The following UBA3 variants were observed in gnomAD, a reference collection of about 807,000 sequenced individuals.
The protein encoded by UBA3 is NEDD8-activating enzyme E1 catalytic subunit.
In UBA3, 26 loss-of-function variants were observed where a neutral mutation model predicts 73.5. The observed-to-expected ratio is 0.35, with a 90% CI of 0.26 to 0.49. UBA3 has a LOEUF of 0.49. Among genes scored for constraint, UBA3 ranks in the 20% least tolerant of loss-of-function variants. UBA3 has a pLI of 0.98. For synonymous variants in UBA3, 217 were observed against 191.2 expected (o/e 1.13, Z -1.11); for missense variants, 495 against 555.6 (o/e 0.89, Z 1.10).
At chr3:69,067,761 C>T (rs182884335) in intron 6 of UBA3, among the ~76,000 whole-genome samples, 167 bp downstream of exon 6, 1,532 of 152,164 alleles carry the variant, frequency 0.01, 10 homozygotes, top group South Asian at 0.025. Flanking sequence ...ACAGAAAAGA[C>T]TGGAAGAATA....
chr3:69,074,076 A>G (rs1294447850), intron 4 of UBA3, among the ~76,000 whole-genome samples: 1 of 152,240 alleles, frequency 6.6e-6, no homozygotes, highest in Non-Finnish European at 1.5e-5. Context: ...TGCAATAAAG[A>G]AGAGGTCACT....
At chr3:69,077,951 A>G in intron 2 of UBA3, 33 bp from the exon 3 acceptor site, 1 of 1,608,896 alleles carries the variant, frequency 6.2e-7, no homozygotes, top group South Asian at 1.1e-5. Context: ...AGCTGCAAAG[A>G]TCAGTATGAA....
chr3:69,056,109 A>G (rs767098250), intron 15 of UBA3, 46 bp from the exon 16 acceptor site: 2 of 1,562,646 alleles, frequency 1.3e-6, no homozygotes, highest in South Asian at 2.4e-5. Context: ...ATTTTTATCA[A>G]AAGATAATTT....
chr3:69,077,871 C>A lies in UBA3; in HGVS notation c.110G>T (p.Arg37Leu), dbSNP rs759438986. 1 of 1,614,004 alleles carries A rather than the reference C, an allele frequency of 6.2e-7. No individual in the cohort carries two copies. The highest frequency in any genetic ancestry group is 8.5e-7 in the Non-Finnish European group (1 of 1,180,002). The change falls in exon 3 of 18, where the codon CGC becomes CTC. Residue 37 changes from arginine to leucine, a missense_variant. By Grantham distance (102) the Arg-to-Leu change is moderately radical. Coordinates refer to ENST00000361055, the MANE Select transcript of UBA3 (RefSeq NM_003968.4). Reference protein sequence around the residue: ...GCGDTGDWEGRWNHVKKFLER... With the variant: ...GCGDTGDWEGLWNHVKKFLER... ...GAGGAACTTCTTTACATGGTTCCAG[C>A]GACCTTCCCAGTCTCCAGTGTCCCC...
Position 69,056,789 on chromosome 3 carries a change from T to C in UBA3, c.991A>G (p.Ile331Val), listed in dbSNP as rs368164002. Residue 331 changes from isoleucine (I) to valine (V), a missense_variant, in exon 13 of 18, where the codon ATA becomes GTA. Ile to Val is a conservative substitution (Grantham distance 29). Transcript: ENST00000361055. ...AATGAAACCTATTACCTTGTGGCTA[T>C]TTTAAAAACCTCAGTGGCACACACA... Reference protein sequence around the residue: ...AAVCATEVFKIATSAYIPLNN... With the variant: ...AAVCATEVFKVATSAYIPLNN... The C allele has an allele frequency of 4.3e-6, 7 of 1,612,992 alleles. No homozygotes were observed. In the African/African-American group the frequency reaches 6.7e-5, roughly 15 times the overall value.
chr3:69,061,982 C>A (rs1575833361), intron 10 of UBA3, 55 bp from the exon 11 acceptor site: 3 of 1,437,076 alleles, frequency 2.1e-6, no homozygotes, highest in South Asian at 1.3e-5. Flanking sequence ...AATACGTAAT[C>A]ACAAAACAAT....
In UBA3 at chr3:69,060,290, C is replaced by CAAA. The variant is rs796240868; in HGVS notation, c.910+1521_910+1523dup. On this transcript the variant is annotated intron_variant, in intron 11 of 17. Transcript: ENST00000361055. ...ACCTATACTTGGATATTAAGAAAAA[C>CAAA]AAAAAAAAAAAGACACTCCCCAAAC... 1.6e-3 allele frequency among the ~76,000 whole-genome samples: 216 copies of CAAA among 138,450 alleles called. 1 individual carries two copies. Among genetic ancestry groups the CAAA allele is most frequent in the African/African-American group, 5.4e-3 (206 of 38,014 alleles). 90.8% of individuals were successfully genotyped at this position (138,450 alleles called of 152,430 possible).
intron 9 of UBA3, 108 bp from the exon 10 acceptor site, chr3:69,062,287 C>G (rs765216013): frequency 1.3e-6 from 1 of 760,494 alleles, no homozygotes; most frequent in South Asian, 1.7e-5. Context: ...TGTTTCAACT[C>G]AAAATATTGT....
At chr3:69,059,067 T>C (rs1406700373) in intron 11 of UBA3, among the ~76,000 whole-genome samples, 1 of 152,224 alleles carries the variant, frequency 6.6e-6, no homozygotes, top group African/African-American at 2.4e-5. Flanking sequence ...GTGTTGTGCA[T>C]AGTAACAATG....
At chr3:69,079,672 T>C (rs932597056) in intron 2 of UBA3, 3 of 179,912 alleles carry the variant, frequency 1.7e-5, no homozygotes, top group Non-Finnish European at 2.3e-5. Flanking sequence ...ATACCTGACA[T>C]GTAGAGTTAT....
chr3:69,061,890 T>C lies in UBA3; in HGVS notation c.834A>G (p.Ile278Met). ...VPLDGDDPEH[I>M]QWIFQKSLER... ...CTAGGGATTTTTGGAAAATCCATTG[T>C]ATATGTTCAGGATCATCTCCATCTA... The change falls in exon 11 of 18, where the codon ATA becomes ATG. Residue 278 changes from isoleucine (I) to methionine (M), a missense_variant. Coordinates refer to ENST00000361055, the MANE Select transcript of UBA3 (RefSeq NM_003968.4). The C allele has an allele frequency of 2.5e-6, 4 of 1,611,636 alleles. No individual in the cohort carries two copies. The highest frequency in any genetic ancestry group is 3.4e-6 in the Non-Finnish European group (4 of 1,179,132).
At chr3:69,056,531 T>C in intron 14 of UBA3, 81 bp downstream of exon 14, 1 of 1,235,972 alleles carries the variant, frequency 8.1e-7, no homozygotes, top group Non-Finnish European at 1.2e-6. Flanking sequence ...AATGTATGGG[T>C]GACTTTGTTC....
At position 69,063,507 on chromosome 3, in the gene UBA3, C is replaced by CA. The variant is rs748063451; in HGVS notation, c.473-5dup. On this transcript the variant is annotated splice_region_variant and splice_polypyrimidine_tract_variant and intron_variant, in intron 7 of 17. Coordinates refer to ENST00000361055, the MANE Select transcript of UBA3 (RefSeq NM_003968.4). The stretch of plus-strand genomic sequence containing the variant: ...CCACATACAATAATATGAAATTCTA[C>CA]AAAAAAAAAAAAAAGCAACTTTAGT... The CA allele has an allele frequency of 0.1, 106,464 of 1,063,460 alleles. 3 individuals are homozygous for CA. The highest frequency in any genetic ancestry group is 0.11 in the Non-Finnish European group (84,507 of 801,152). The allele number at this position is 1,063,460 out of a possible 1,614,324, so 65.9% of individuals were successfully genotyped here.
At chr3:69,057,957 G>A (rs998055121) in intron 11 of UBA3, among the ~76,000 whole-genome samples, 9 of 116,258 alleles carry the variant, frequency 7.7e-5, no homozygotes, top group African/African-American at 3.1e-4. Flanking sequence ...ACAGAGTCTC[G>A]CTCTGTCGCC....
At chr3:69,063,328 T>G (rs1575834879) in intron 8 of UBA3, 111 bp downstream of exon 8, 2 of 1,283,878 alleles carry the variant, frequency 1.6e-6, no homozygotes, top group East Asian at 5.1e-5. Flanking sequence ...GTAAATATAC[T>G]TAATTAAAAA....
chr3:69,061,719 G>A, intron 11 of UBA3, 95 bp downstream of exon 11: 1 of 686,510 alleles, frequency 1.5e-6, no homozygotes, highest in Non-Finnish European at 2.4e-6. Flanking sequence ...TCAAGTGGAT[G>A]GTACTGTCTA....
At chr3:69,077,660 A>C in intron 3 of UBA3, 138 bp downstream of exon 3, 1 of 913,562 alleles carries the variant, frequency 1.1e-6, no homozygotes, top group East Asian at 3.0e-5. Context: ...ATTCAATCTC[A>C]TATTTTAAGA....
Position 69,071,515 on chromosome 3 carries a change from G to T in UBA3, c.347+20C>A. On this transcript the variant is annotated intron_variant, in intron 5 of 17. Transcript: ENST00000361055. ...TATCAGAGCTTAAAAAAAGAAAACC[G>T]CTAAGATATTAAAACTTACCTAAAT... 2 of 1,342,690 alleles carry T rather than the reference G, an allele frequency of 1.5e-6. No homozygotes were observed. The highest frequency in any genetic ancestry group is 1.3e-5 in the South Asian group (1 of 75,100). 83.2% of individuals were successfully genotyped at this position (1,342,690 alleles called of 1,614,324 possible).
chr3:69,065,931 T>A (rs1191110376), intron 6 of UBA3, among the ~76,000 whole-genome samples: 1 of 152,084 alleles, frequency 6.6e-6, no homozygotes, highest in Non-Finnish European at 1.5e-5. Flanking sequence ...TCTCTTCCTA[T>A]CTTTTGTCTA....
Sources: gnomAD v4.1 joint callset for allele counts (sites outside exome capture counted in the v4.1 genomes callset) on GRCh38, gnomAD v4.1.1 for gene constraint, MANE v1.5 for transcripts, NCBI Gene and HGNC (gene_info 2026-07-23, HGNC 2026-07-21) for gene names.